ACLY: variants seen among roughly 807,000 people sequenced by gnomAD.
ACLY encodes the protein ATP-citrate synthase.
Under a neutral mutation model 133.0 loss-of-function variants are expected in ACLY, and 41 were observed. That is an observed-to-expected ratio of 0.31 (90% CI 0.24 to 0.40). The LOEUF (loss-of-function observed/expected upper bound fraction) is 0.40, where lower values mean the gene tolerates loss of function less well. Ranked by LOEUF, ACLY falls within the 10% of genes least tolerant of loss-of-function variation. The pLI is 1.00. For synonymous variants in ACLY, 495 were observed against 549.3 expected (o/e 0.90, Z 1.38); for missense variants, 1,046 against 1,453.8 (o/e 0.72, Z 4.56).
At chr17:41,929,208 C>T (rs1020091844) in intron 1 of ACLY, among the ~76,000 whole-genome samples, 11 of 151,936 alleles carry the variant, frequency 7.2e-5, no homozygotes, top group African/African-American at 2.7e-4. Flanking sequence ...GATCCTCCTG[C>T]CTCAGCTTCC....
chr17:41,877,220 A>G (rs2048784880), intron 22 of ACLY, among the ~76,000 whole-genome samples: 1 of 151,546 alleles, frequency 6.6e-6, no homozygotes, highest in Non-Finnish European at 1.5e-5. Context: ...GGCTCACTGC[A>G]ACCTCTGCCT....
rs1555633156 is a variant in ACLY at position 41,909,057 on chromosome 17, C to T, written c.548G>A (p.Ser183Asn). ...GAAATTGAAGAGGCCGGAGATAAAA[C>T]TGGCCAGAATTCTAGAGGTGGGAGG... The part of the protein sequence containing the change: ...APEDKKEILA[S>N]FISGLFNFYE... Residue 183 changes from serine to asparagine, a missense_variant, in exon 6 of 29, where the codon AGT becomes AAT. Ser to Asn is a conservative substitution (Grantham distance 46). Transcript: ENST00000352035. 1 of 1,612,374 alleles carries T rather than the reference C, an allele frequency of 6.2e-7. No individual in the cohort carries two copies. The highest frequency in any genetic ancestry group is 8.5e-7 in the Non-Finnish European group (1 of 1,179,694).
intron 28 of ACLY, 48 bp from the exon 29 acceptor site, chr17:41,867,952 G>GT (rs1438577000): frequency 7.3e-7 from 1 of 1,371,896 alleles, no homozygotes; most frequent in African/African-American, 1.5e-5. Flanking sequence ...CATAAGCCTG[G>GT]TGAGAGGAAG....
intron 16 of ACLY, among the ~76,000 whole-genome samples, chr17:41,891,285 G>A (rs552021377): frequency 1.6e-4 from 24 of 152,036 alleles, no homozygotes; most frequent in Admixed American, 2.6e-4. Context: ...CGCCTCTGCC[G>A]CCCAACAAAC....
intron 20 of ACLY, among the ~76,000 whole-genome samples, chr17:41,880,028 C>A (rs181391594): frequency 6.6e-6 from 1 of 152,172 alleles, no homozygotes; most frequent in Non-Finnish European, 1.5e-5. Context: ...GCGCGCCCAG[C>A]GTGACTGAGT....
chr17:41,904,384 A>C, intron 10 of ACLY: 1 of 204,322 alleles, frequency 4.9e-6, no homozygotes, highest in Non-Finnish European at 9.9e-6. Flanking sequence ...AGGGAAGGGA[A>C]GGGAAAGGAA....
chr17:41,893,027 A>G lies in ACLY; in HGVS notation c.1601+6T>C. ...AGGAGATATTTCCCGCCATGGGGTAACTCACGTGAAAGGGTAGACCATGGC... is the reference window on the plus strand; with the variant it reads ...AGGAGATATTTCCCGCCATGGGGTAGCTCACGTGAAAGGGTAGACCATGGC... On this transcript the variant is annotated splice_donor_region_variant and intron_variant, in intron 15 of 28. Coordinates refer to ENST00000352035, the MANE Select transcript of ACLY (RefSeq NM_001096.3). 1 of 1,611,850 alleles carries G rather than the reference A, an allele frequency of 6.2e-7. No homozygotes were observed. The highest frequency in any genetic ancestry group is 8.5e-7 in the Non-Finnish European group (1 of 1,178,700).
At chr17:41,871,915 G>C in intron 24 of ACLY, 83 bp from the exon 25 acceptor site, 1 of 1,596,282 alleles carries the variant, frequency 6.3e-7, no homozygotes, top group Non-Finnish European at 8.5e-7. Context: ...GTCCCGAACG[G>C]CCCTGAGCAC....
upstream of ACLY, among the ~76,000 whole-genome samples, chr17:41,920,855 C>T (rs942900504): frequency 2.6e-5 from 4 of 152,032 alleles, no homozygotes; most frequent in East Asian, 3.9e-4. Flanking sequence ...CGAGGTCAAG[C>T]GTTCCAGACC....
chr17:41,871,672 GGA>G lies in ACLY; in HGVS notation c.2937+15_2937+16del, dbSNP rs1555625060. ...GCCTGGCCTCCATCCCACTTTTTTA[GGA>G]GAGTAACAACTCACCGACTTCACTC... On this transcript the variant is annotated intron_variant, in intron 25 of 28. Transcript: ENST00000352035. The G allele has an allele frequency of 6.2e-7, 1 of 1,613,676 alleles. No homozygotes were observed. The highest frequency in any genetic ancestry group is 1.3e-5 in the African/African-American group (1 of 74,980).
intron 14 of ACLY, among the ~76,000 whole-genome samples, chr17:41,893,929 G>T (rs1311637613): frequency 6.6e-6 from 1 of 152,140 alleles, no homozygotes; most frequent in African/African-American, 2.4e-5. Flanking sequence ...GAGGTAAGGC[G>T]CAGGTCAGGT....
intron 11 of ACLY, among the ~76,000 whole-genome samples, chr17:41,901,406 C>T (rs2049536190): frequency 1.3e-5 from 2 of 152,174 alleles, no homozygotes; most frequent in African/African-American, 4.8e-5. Flanking sequence ...GGCTTGCTGT[C>T]TGTCCATTTG....
intron 15 of ACLY, 83 bp downstream of exon 15, chr17:41,892,950 A>T: frequency 1.3e-6 from 2 of 1,535,724 alleles, no homozygotes; most frequent in Non-Finnish European, 1.8e-6. Context: ...AAGCGCTAGG[A>T]TTACAGGCAT....
chr17:41,890,848 A>C (rs1363191056), intron 16 of ACLY, among the ~76,000 whole-genome samples: 1 of 149,712 alleles, frequency 6.7e-6, no homozygotes, highest in African/African-American at 2.4e-5. Context: ...AAAAAAAAAA[A>C]AAAAAAAAAA....
At chr17:41,889,059 G>A (rs892534101) in intron 16 of ACLY, among the ~76,000 whole-genome samples, 3 of 151,238 alleles carry the variant, frequency 2.0e-5, no homozygotes, top group African/African-American at 2.4e-5. Flanking sequence ...CAGAGGTTGC[G>A]GTGAGCCGAG....
At chr17:41,919,407 G>T (rs2050145631), upstream of ACLY, among the ~76,000 whole-genome samples, 1 of 152,234 alleles carries the variant, frequency 6.6e-6, no homozygotes, top group African/African-American at 2.4e-5. Context: ...CTGCATCTCG[G>T]CCGCACCGAA....
At chr17:41,878,948 T>TTACTGCTAATCCCCC in intron 20 of ACLY, 24 bp from the exon 21 acceptor site, 1 of 1,613,648 alleles carries the variant, frequency 6.2e-7, no homozygotes. Context: ...GAAAGTAGCT[T>TTACTGCTAATCCCCC]TACTGCTAAT....
At chr17:41,926,827 A>C (rs2050249355) in intron 1 of ACLY, among the ~76,000 whole-genome samples, 1 of 151,962 alleles carries the variant, frequency 6.6e-6, no homozygotes, top group Admixed American at 6.6e-5. Flanking sequence ...ATATATAATT[A>C]ATGTACAATA....
chr17:41,893,953 C>A (rs984129617), intron 14 of ACLY, among the ~76,000 whole-genome samples: 4 of 152,178 alleles, frequency 2.6e-5, no homozygotes, highest in African/African-American at 9.7e-5. Flanking sequence ...GTGGCTCACG[C>A]CTGTAATCCC....
Sources: gnomAD v4.1 joint callset for allele counts (sites outside exome capture counted in the v4.1 genomes callset) on GRCh38, gnomAD v4.1.1 for gene constraint, MANE v1.5 for transcripts, NCBI Gene and HGNC (gene_info 2026-07-23, HGNC 2026-07-21) for gene names.